CCDC171: variants seen among roughly 807,000 people sequenced by gnomAD.
CCDC171 encodes the protein coiled-coil domain-containing protein 171.
Under a neutral mutation model 168.2 loss-of-function variants are expected in CCDC171, and 177 were observed. That is an observed-to-expected ratio of 1.05 (90% CI 0.93 to 1.19). The LOEUF is 1.19. Among genes scored for constraint, CCDC171 ranks in the 50% most tolerant of loss-of-function variants. The pLI, the probability that CCDC171 is intolerant of heterozygous loss-of-function variation, is 0.00. For missense variants in CCDC171, 1,991 were observed against 1,539.0 expected (o/e 1.29, Z -4.91); for synonymous variants, 687 against 540.8 (o/e 1.27, Z -3.75).
intron 7 of CCDC171, among the ~76,000 whole-genome samples, chr9:15,642,607 A>T (rs543175637): frequency 1.2e-4 from 18 of 151,980 alleles, no homozygotes; most frequent in African/African-American, 4.3e-4. Flanking sequence ...AGAAGGCTTA[A>T]ATTTCATTAT....
chr9:16,079,727 G>A, the CCDC171 span, among the ~76,000 whole-genome samples: 18 of 152,214 alleles, frequency 1.2e-4, no homozygotes, highest in African/African-American at 3.9e-4. Context: ...GTGGCACTTC[G>A]TTAGAGCAGA....
At chr9:16,079,276 C>T in the CCDC171 span, among the ~76,000 whole-genome samples, 2 of 152,202 alleles carry the variant, frequency 1.3e-5, no homozygotes, top group Non-Finnish European at 2.9e-5. Context: ...TATCCATCCC[C>T]AGCTCCAATT....
intron 23 of CCDC171, among the ~76,000 whole-genome samples, chr9:15,867,679 AAAGAT>A (rs1250998502): frequency 1.3e-5 from 2 of 152,088 alleles, no homozygotes; most frequent in Admixed American, 1.3e-4. Context: ...TTGACAAACT[AAAGAT>A]AAGACACTAC....
chr9:16,100,003 T>TAAA, the CCDC171 span, among the ~76,000 whole-genome samples: 1 of 145,748 alleles, frequency 6.9e-6, no homozygotes, highest in African/African-American at 2.5e-5. Flanking sequence ...GCTTTCAAGT[T>TAAA]AAAAAAAAAA....
At position 15,571,686 on chromosome 9, in the gene CCDC171, C is replaced by T; in HGVS notation, c.104C>T (p.Thr35Ile). 1.9e-6 allele frequency: 3 copies of T among 1,581,342 alleles called. No individual in the cohort carries two copies. The highest frequency in any genetic ancestry group is 2.6e-6 in the Non-Finnish European group (3 of 1,168,726). ...ILKNETELDI[T>I]DNLRKKLHWA... The stretch of plus-strand genomic sequence containing the variant: ...AAAAATGAAACAGAGTTGGATATTA[C>T]TGATAATCTCAGGAAGAAACTCCAT... The change falls in exon 3 of 26, where the codon ACT (threonine) becomes ATT (isoleucine). Residue 35 changes from threonine to isoleucine, a missense_variant. Thr to Ile is a moderately conservative substitution (Grantham distance 89). Coordinates refer to ENST00000380701, the MANE Select transcript of CCDC171 (RefSeq NM_173550.4).
chr9:16,036,580 C>T (rs531357645), intron 8 of CCDC171, among the ~76,000 whole-genome samples: 2 of 152,302 alleles, frequency 1.3e-5, no homozygotes, highest in East Asian at 3.9e-4. Flanking sequence ...GGAGGTGGAG[C>T]TTTCAGTGAG....
Position 15,594,138 on chromosome 9 carries a change from A to C in CCDC171, c.641A>C (p.Glu214Ala). The C allele has an allele frequency of 6.8e-7, 1 of 1,467,284 alleles. No homozygotes were observed. Among genetic ancestry groups the C allele is most frequent in the Non-Finnish European group, 9.5e-7 (1 of 1,051,966 alleles). 90.9% of individuals were successfully genotyped at this position (1,467,284 alleles called of 1,614,324 possible). ...TTTAGATTACAAGAAGAACAATGGG[A>C]AGCAGAAAGAAGAGAATTACAATTT... ...EEFRLQEEQW[E>A]AERRELQFIV... The change falls in exon 6 of 26, where the codon GAA becomes GCA. Residue 214 changes from glutamate (E) to alanine (A), a missense_variant. Physicochemically the swap from Glu to Ala is moderately radical, Grantham distance 107 (BLOSUM62 -1). Transcript: ENST00000380701.
chr9:15,987,334 TG>T (rs1832023037), intron 3 of CCDC171, among the ~76,000 whole-genome samples: 1 of 152,170 alleles, frequency 6.6e-6, no homozygotes, highest in Non-Finnish European at 1.5e-5. Context: ...GCTGATTACC[TG>T]GGTGACAAAA....
chr9:15,813,040 G>T (rs908510416), intron 21 of CCDC171, among the ~76,000 whole-genome samples: 7 of 152,176 alleles, frequency 4.6e-5, no homozygotes, highest in African/African-American at 1.4e-4. Flanking sequence ...GCAAATAAGG[G>T]TGAACAGAAT....
chr9:15,887,048 A>G (rs567689169), intron 24 of CCDC171, among the ~76,000 whole-genome samples: 1 of 152,264 alleles, frequency 6.6e-6, no homozygotes, highest in African/African-American at 2.4e-5. Flanking sequence ...TCTGGAGATC[A>G]TGGTACAGTG....
rs75125746 is a variant in CCDC171, at chr9:15,874,561, T to A, written c.3498T>A (p.Ser1166=). The A allele has an allele frequency of 6.0e-4, 960 of 1,607,702 alleles. 6 individuals carry two copies. The African/African-American group carries it at 0.012, about 20-fold the overall frequency. Residue 1166 remains serine, a synonymous_variant, in exon 24 of 26, where the codon TCT becomes TCA. Transcript: ENST00000380701. ...GAGATCAGATCTCGCTGTCATGGTC[T>A]GCGGCAAGTAGGAATGACTTCACCC... ...KVRDQISLSW[S]AASRNDFTLQ...
intron 18 of CCDC171, among the ~76,000 whole-genome samples, chr9:15,768,511 C>G (rs2056852245): frequency 6.6e-6 from 1 of 152,090 alleles, no homozygotes; most frequent in African/African-American, 2.4e-5. Flanking sequence ...TGTCTCCCAG[C>G]CTTCCTTCAT....
At chr9:15,560,519 C>T (rs3955162) in intron 1 of CCDC171, among the ~76,000 whole-genome samples, 61,002 of 152,004 alleles carry the variant, frequency 0.4, 14,272 homozygotes, top group East Asian at 0.74. Context: ...TTGATCAAAT[C>T]GGCTACTGAA....
At chr9:15,774,868 A>T (rs921069716) in intron 18 of CCDC171, among the ~76,000 whole-genome samples, 4 of 152,218 alleles carry the variant, frequency 2.6e-5, no homozygotes, top group African/African-American at 9.6e-5. Context: ...AAAACCAAAC[A>T]TGGTATGTTC....
At chr9:15,835,945 T>C (rs1233498959) in intron 21 of CCDC171, among the ~76,000 whole-genome samples, 4 of 152,134 alleles carry the variant, frequency 2.6e-5, no homozygotes, top group Non-Finnish European at 5.9e-5. Flanking sequence ...TTTGTTATTG[T>C]CTTCAATTTT....
chr9:16,036,476 C>T (rs1278034457), intron 8 of CCDC171, among the ~76,000 whole-genome samples: 1 of 152,144 alleles, frequency 6.6e-6, no homozygotes, highest in Non-Finnish European at 1.5e-5. Flanking sequence ...AACCCCGTCT[C>T]TCCTAAAAAT....
chr9:15,649,864 A>G (rs1225623611), intron 7 of CCDC171, among the ~76,000 whole-genome samples: 6 of 152,240 alleles, frequency 3.9e-5, no homozygotes, highest in South Asian at 2.1e-4. Flanking sequence ...ATCTAAAACT[A>G]GAAATACGGT....
At chr9:15,637,634 A>C in intron 7 of CCDC171, among the ~76,000 whole-genome samples, 1 of 91,138 alleles carries the variant, frequency 1.1e-5, no homozygotes, top group South Asian at 4.5e-4. Flanking sequence ...CCCACCCCAC[A>C]ACAGTCCCCA....
At chr9:15,591,219 G>T in intron 4 of CCDC171, 147 bp from the exon 5 acceptor site, 1 of 537,258 alleles carries the variant, frequency 1.9e-6, no homozygotes, top group Admixed American at 4.2e-5. Flanking sequence ...GAATGGAAAG[G>T]TTTTCAAGAG....
Sources: gnomAD v4.1 joint callset for allele counts (sites outside exome capture counted in the v4.1 genomes callset) on GRCh38, gnomAD v4.1.1 for gene constraint, MANE v1.5 for transcripts, NCBI Gene and HGNC (gene_info 2026-07-23, HGNC 2026-07-21) for gene names.